Variants in ANKRD28 observed in about 807,000 individuals in gnomAD.
The protein encoded by ANKRD28 is serine/threonine-protein phosphatase 6 regulatory ankyrin repeat subunit A.
ANKRD28 carries 44 observed loss-of-function variants against 126.5 expected under a neutral mutation model. That is an observed-to-expected ratio of 0.35 (90% CI 0.27 to 0.45). ANKRD28 has a LOEUF of 0.45. ANKRD28 is among the 20% of genes least tolerant of loss of function. The pLI is 1.00. For synonymous variants in ANKRD28, 442 were observed against 468.5 expected, an observed-to-expected ratio of 0.94 and a Z score of 0.73; for missense variants, 1,110 against 1,316.6, an observed-to-expected ratio of 0.84 and a Z score of 2.43.
chr3:15,831,296 C>G (rs545257792), intron 1 of ANKRD28, among the ~76,000 whole-genome samples: 1 of 152,338 alleles, frequency 6.6e-6, no homozygotes, highest in East Asian at 1.9e-4. Context: ...ACACAAGACA[C>G]TGTTTTGCCC....
chr3:15,694,815 T>C lies in ANKRD28; in HGVS notation c.1687-2A>G. Reference sequence around the variant, plus strand: ...GTCTGTTCCTGAGGTTTCCATTAACTGAAAAAGAAGAGGCATTTTAAATGT... The same window carrying C: ...GTCTGTTCCTGAGGTTTCCATTAACCGAAAAAGAAGAGGCATTTTAAATGT... On this transcript the variant is annotated splice_acceptor_variant, in intron 16 of 27. Transcript: ENST00000683139. LOFTEE classifies it high-confidence loss of function. The C allele has an allele frequency of 6.2e-7, 1 of 1,613,066 alleles. No homozygotes were observed. Among genetic ancestry groups the C allele is most frequent in the East Asian group, 2.2e-5 (1 of 44,856 alleles).
intron 14 of ANKRD28, among the ~76,000 whole-genome samples, chr3:15,706,288 T>G (rs1364632971): frequency 2.6e-5 from 4 of 151,066 alleles, no homozygotes; most frequent in Non-Finnish European, 5.9e-5. Context: ...CCCCTTCCTG[T>G]GTCCAAGTGT....
rs984518870 is a variant in ANKRD28 at position 15,854,839 on chromosome 3, A to G, written c.27+4538T>C. Among the ~76,000 whole-genome samples the G allele has an allele frequency of 6.6e-6, 1 of 152,162 alleles. No homozygotes were observed. Among genetic ancestry groups the G allele is most frequent in the African/African-American group, 2.4e-5 (1 of 41,444 alleles). On this transcript the variant is annotated intron_variant, in intron 1 of 27. Coordinates refer to the ANKRD28 transcript ENST00000399451. The surrounding 1 kb of genome is among the most constrained non-coding windows in gnomAD (Gnocchi z 4.1). Reference sequence around the variant, plus strand: ...GCCAAGGTGGGTGGATCACAAGGTCACGAGATTGAGACTATCCTGGCCAAC... The same window carrying G: ...GCCAAGGTGGGTGGATCACAAGGTCGCGAGATTGAGACTATCCTGGCCAAC...
At chr3:15,859,290 G>T in intron 1 of ANKRD28, 1 of 1,490,928 alleles carries the variant, frequency 6.7e-7, no homozygotes, top group Non-Finnish European at 8.9e-7. Context: ...CCCGCCGAGC[G>T]GGCGTCCCAG....
intron 2 of ANKRD28, among the ~76,000 whole-genome samples, chr3:15,790,020 T>C (rs899863381): frequency 2.0e-5 from 3 of 152,210 alleles, no homozygotes; most frequent in African/African-American, 7.2e-5. Flanking sequence ...TAAGCAACTA[T>C]ATATGCTGAT....
At chr3:15,794,117 A>G (rs2060162828) in intron 2 of ANKRD28, among the ~76,000 whole-genome samples, 1 of 152,146 alleles carries the variant, frequency 6.6e-6, no homozygotes, top group South Asian at 2.1e-4. Flanking sequence ...AATTAGGTGC[A>G]TGTTTCCAAC....
intron 9 of ANKRD28, 116 bp from the exon 10 acceptor site, chr3:15,713,757 T>A: frequency 1.9e-6 from 1 of 538,174 alleles, no homozygotes; most frequent in Non-Finnish European, 3.2e-6. Context: ...ACAGCAATTT[T>A]AACTAGATTT....
intron 1 of ANKRD28, among the ~76,000 whole-genome samples, chr3:15,849,676 G>A (rs972546133): frequency 2.6e-5 from 4 of 151,994 alleles, no homozygotes; most frequent in African/African-American, 9.7e-5. Flanking sequence ...TCTTCTACCT[G>A]TTTCACACCC....
intron 2 of ANKRD28, among the ~76,000 whole-genome samples, chr3:15,783,189 C>T (rs997830470): frequency 1.3e-5 from 2 of 151,620 alleles, no homozygotes; most frequent in Non-Finnish European, 2.9e-5. Flanking sequence ...TAAATAAGAA[C>T]TCTGAAAACT....
In ANKRD28 at chr3:15,839,605, G is replaced by A. The variant is rs762388112; in HGVS notation, c.27+19772C>T. Among the ~76,000 whole-genome samples the A allele has an allele frequency of 5.3e-5, 8 of 151,210 alleles. No individual in the cohort carries two copies. In the South Asian group the frequency reaches 6.3e-4, roughly 12 times the overall value. On this transcript the variant is annotated intron_variant, in intron 1 of 27. Transcript: ENST00000399451. The surrounding 1 kb of genome is among the most constrained non-coding windows in gnomAD (Gnocchi z 4.3). ...AAGACACATTAAAAAAAAAGAAAACGATAGGCCAATATCACTGAGTAATAT... is the reference window on the plus strand; with the variant it reads ...AAGACACATTAAAAAAAAAGAAAACAATAGGCCAATATCACTGAGTAATAT...
At chr3:15,682,454 AAGAT>A (rs1203077448) in intron 21 of ANKRD28, among the ~76,000 whole-genome samples, 2 of 152,174 alleles carry the variant, frequency 1.3e-5, no homozygotes, top group African/African-American at 4.8e-5. Flanking sequence ...TCATTTATGA[AAGAT>A]AGATAGGATG....
At chr3:15,763,559 G>A (rs979535247) in intron 3 of ANKRD28, among the ~76,000 whole-genome samples, 2 of 152,196 alleles carry the variant, frequency 1.3e-5, no homozygotes, top group East Asian at 1.9e-4. Context: ...TAACACAGGC[G>A]AGGGGGATTA....
chr3:15,751,712 T>G (rs2057873542), intron 4 of ANKRD28, 38 bp downstream of exon 4: 1 of 1,368,690 alleles, frequency 7.3e-7, no homozygotes, highest in Non-Finnish European at 1.0e-6. Flanking sequence ...TATTTAATGT[T>G]TTCATATAAA....
Position 15,797,455 on chromosome 3 carries a change from G to A in ANKRD28, c.-934C>T. 1.0e-6 allele frequency: 1 copy of A among 985,376 alleles called. No homozygotes were observed. Among genetic ancestry groups the A allele is most frequent in the Non-Finnish European group, 1.2e-6 (1 of 829,964 alleles). The allele number at this position is 985,376 out of a possible 1,614,324, so 61.0% of individuals were successfully genotyped here. On this transcript the variant is annotated 5_prime_UTR_variant, in exon 1 of 28. Transcript: ENST00000683139. The stretch of plus-strand genomic sequence containing the variant: ...CTCCAGCAAAAGGGCACAGGCACCA[G>A]GCAGAAATGGTGTTAGTGGAGAATC...
At chr3:15,672,760 C>T (rs1275032397) in intron 27 of ANKRD28, among the ~76,000 whole-genome samples, 1 of 152,068 alleles carries the variant, frequency 6.6e-6, no homozygotes, top group East Asian at 1.9e-4. Flanking sequence ...TGACTAAAAA[C>T]AGGCTCCTCT....
At chr3:15,714,532 G>GAAAAAAAAA in intron 9 of ANKRD28, 46 bp downstream of exon 9, 1 of 1,083,668 alleles carries the variant, frequency 9.2e-7, no homozygotes, top group Non-Finnish European at 1.2e-6. Flanking sequence ...CTACATTTAA[G>GAAAAAAAAA]AAAAAAAAAA....
chr3:15,709,707 T>C lies in ANKRD28; in HGVS notation c.1367A>G (p.Asn456Ser). ...CTTTTTATTAAAGTCTGCACCAGTA[T>C]TCAGCAGAAGGTTTAGGCACTCCAA... ...GNLECLNLLLNTGADFNKKDK... is the reference protein window; with the variant it reads ...GNLECLNLLLSTGADFNKKDK... Residue 456 changes from asparagine (N) to serine (S), a missense_variant, in exon 13 of 28, where the codon AAT (asparagine) becomes AGT (serine). Asn to Ser is a conservative substitution (Grantham distance 46). Coordinates refer to ENST00000683139, the MANE Select transcript of ANKRD28 (RefSeq NM_001349278.2). The C allele has an allele frequency of 6.3e-7, 1 of 1,582,792 alleles. No individual in the cohort carries two copies. Among genetic ancestry groups the C allele is most frequent in the Non-Finnish European group, 8.6e-7 (1 of 1,162,588 alleles).
Position 15,804,221 on chromosome 3 carries a change from G to A in ANKRD28, c.28-8915C>T, listed in dbSNP as rs559586534. 5.7e-4 allele frequency among the ~76,000 whole-genome samples: 82 copies of A among 144,686 alleles called. 5 individuals carry two copies. Among genetic ancestry groups the A allele is most frequent in the Non-Finnish European group, 9.3e-4 (62 of 66,912 alleles). 94.9% of individuals were successfully genotyped at this position (144,686 alleles called of 152,430 possible). A position where few individuals can be genotyped will look rare whatever the true frequency, so the allele number is the denominator to read the frequency against. On this transcript the variant is annotated intron_variant, in intron 1 of 27. Coordinates refer to the ANKRD28 transcript ENST00000399451. Reference sequence around the variant, plus strand: ...ACACGTAAAAATCTAACCAGTACAAGATAAAAGACAGTAAAAGACAGTATA... The same window carrying A: ...ACACGTAAAAATCTAACCAGTACAAAATAAAAGACAGTAAAAGACAGTATA...
At chr3:15,825,187 C>T (rs748633209) in intron 1 of ANKRD28, among the ~76,000 whole-genome samples, 6 of 152,228 alleles carry the variant, frequency 3.9e-5, no homozygotes, top group Admixed American at 1.3e-4. Context: ...ATGAGGCTCA[C>T]GCATGCAAGA....
Sources: gnomAD v4.1 joint callset for allele counts (sites outside exome capture counted in the v4.1 genomes callset) on GRCh38, gnomAD v4.1.1 for gene constraint, Gnocchi (gnomAD v3.1) non-coding constraint, MANE v1.5 for transcripts, NCBI Gene and HGNC (gene_info 2026-07-23, HGNC 2026-07-21) for gene names.